Variants in ZFYVE26 observed in about 807,000 individuals in gnomAD.
ZFYVE26 encodes zinc finger FYVE-type containing 26.
In ZFYVE26, 181 loss-of-function variants were observed where a neutral mutation model predicts 276.5. The observed-to-expected ratio is 0.65, with a 90% CI of 0.58 to 0.74. ZFYVE26 has a LOEUF of 0.74. Ranked by LOEUF, ZFYVE26 falls within the 30% of genes least tolerant of loss-of-function variation. ZFYVE26 has a pLI of 0.00. For missense variants in ZFYVE26, 2,821 were observed against 3,097.9 expected, an observed-to-expected ratio of 0.91 and a Z score of 2.12; for synonymous variants, 1,129 against 1,203.1, an observed-to-expected ratio of 0.94 and a Z score of 1.27.
chr14:67,783,305 T>C lies in ZFYVE26; in HGVS notation c.3847A>G (p.Thr1283Ala), dbSNP rs116139296. 99 of 1,613,190 alleles carry C rather than the reference T, an allele frequency of 6.1e-5. No homozygotes were observed. The African/African-American group carries it at 1.1e-3, about 19-fold the overall frequency. The change falls in exon 21 of 42, where the codon ACA (threonine) becomes GCA (alanine). Residue 1283 changes from threonine (T) to alanine (A), a missense_variant. Physicochemically the swap from Thr to Ala is moderately conservative, Grantham distance 58 (BLOSUM62 0). Transcript: ENST00000347230. Reference protein sequence around the residue: ...PSSPRTTENPTLERKPYSSPR... With the variant: ...PSSPRTTENPALERKPYSSPR... Reference sequence around the variant, plus strand: ...GAGGAGTAGGGCTTTCTTTCCAATGTAGGGTTCTCAGTTGTCCTCGGGGAG... The same window carrying C: ...GAGGAGTAGGGCTTTCTTTCCAATGCAGGGTTCTCAGTTGTCCTCGGGGAG...
intron 29 of ZFYVE26, 84 bp from the exon 30 acceptor site, chr14:67,768,632 G>C: frequency 7.5e-7 from 1 of 1,330,786 alleles, no homozygotes; most frequent in Non-Finnish European, 1.1e-6. Flanking sequence ...TCAACTTACA[G>C]TGTCTCCCTG....
At position 67,748,362 on chromosome 14, in the gene ZFYVE26, A is replaced by G. The variant is rs907273547; in HGVS notation, c.*74T>C. The G allele has an allele frequency of 2.0e-6, 3 of 1,507,874 alleles. No homozygotes were observed. The highest frequency in any genetic ancestry group is 1.4e-5 in the African/African-American group (1 of 73,062). 93.4% of individuals were successfully genotyped at this position (1,507,874 alleles called of 1,614,324 possible). ...GAGAAGTCCCACTCCACTGGAGGAA[A>G]GAGGTGGAGGGCATCGCCATCACTG... On this transcript the variant is annotated 3_prime_UTR_variant, in exon 42 of 42. Coordinates refer to ENST00000347230, the MANE Select transcript of ZFYVE26 (RefSeq NM_015346.4).
chr14:67,789,048 G>C (rs908818555), intron 16 of ZFYVE26, among the ~76,000 whole-genome samples: 19 of 152,202 alleles, frequency 1.2e-4, no homozygotes, highest in Admixed American at 6.5e-5. Flanking sequence ...TCACCAAGGA[G>C]AAAGGCATGG....
At chr14:67,801,180 G>A (rs1015455441) in intron 10 of ZFYVE26, among the ~76,000 whole-genome samples, 2 of 152,032 alleles carry the variant, frequency 1.3e-5, no homozygotes, top group African/African-American at 4.8e-5. Flanking sequence ...GAACCCAGGA[G>A]GCGGAGGTTG....
intron 13 of ZFYVE26, among the ~76,000 whole-genome samples, chr14:67,735,003 A>G (rs1362649233): frequency 6.6e-6 from 1 of 152,238 alleles, no homozygotes; most frequent in Non-Finnish European, 1.5e-5. Flanking sequence ...GCTAGAGAAA[A>G]TATTTTAAAT....
chr14:67,769,575 C>T lies in ZFYVE26; in HGVS notation c.5621+19G>A, dbSNP rs960143852. 12 of 1,611,730 alleles carry T rather than the reference C, an allele frequency of 7.4e-6. No homozygotes were observed. The highest frequency in any genetic ancestry group is 1.3e-5 in the African/African-American group (1 of 74,298). On this transcript the variant is annotated intron_variant, in intron 29 of 41. Transcript: ENST00000347230. Reference sequence around the variant, plus strand: ...TGCAGCGGTCAATAATAGCAACAGCCCTGCTGTAGGACACTCACTCTTTGT... The same window carrying T: ...TGCAGCGGTCAATAATAGCAACAGCTCTGCTGTAGGACACTCACTCTTTGT...
chr14:67,809,782 C>CT (rs58842467), intron 3 of ZFYVE26, among the ~76,000 whole-genome samples: 25,805 of 119,378 alleles, frequency 0.22, 3,636 homozygotes, highest in Non-Finnish European at 0.32. Flanking sequence ...ATTCTTTTCT[C>CT]TTTTTTTTTT....
rs759350439 is a variant in ZFYVE26, at chr14:67,786,204, C to T, written c.3049G>A (p.Ala1017Thr). The T allele has an allele frequency of 2.3e-5, 36 of 1,569,242 alleles. No homozygotes were observed. The highest frequency in any genetic ancestry group is 3.4e-4 in the Middle Eastern group (2 of 5,914). The change falls in exon 17 of 42, where the codon GCT becomes ACT. Residue 1017 changes from alanine (A) to threonine (T), a missense_variant. Physicochemically the swap from Ala to Thr is moderately conservative, Grantham distance 58. Coordinates refer to ENST00000347230, the MANE Select transcript of ZFYVE26 (RefSeq NM_015346.4). ...ACTGGAAAACCTCGAATGCCATCAG[C>T]ATTTAGGAGTACGTGGTCTATCCGT... ...GRRIDHVLLN[A>T]DGIRGFPVVL...
rs765385733 is a variant in ZFYVE26 at position 67,729,232 on chromosome 14, C to T, written n.3267G>A. The T allele has an allele frequency of 1.9e-6, 3 of 1,611,396 alleles. No individual in the cohort carries two copies. Among genetic ancestry groups the T allele is most frequent in the Non-Finnish European group, 2.5e-6 (3 of 1,180,008 alleles). ...CTACGCAGTGCACCCAGGCGTCGTC[C>T]GCTCTGAGCTGGTCCGGCACTCCTC... is the stretch of plus-strand genomic sequence containing the variant. On this transcript the variant is annotated non_coding_transcript_exon_variant, in exon 14 of 15. Transcript: ENST00000394455.
intron 35 of ZFYVE26, among the ~76,000 whole-genome samples, chr14:67,757,994 AAC>A (rs2038832711): frequency 6.6e-6 from 1 of 152,236 alleles, no homozygotes; most frequent in Non-Finnish European, 1.5e-5. Flanking sequence ...GGATTACAGA[AAC>A]GAGCCACCCT....
chr14:67,744,027 A>C (rs536331595), downstream of ZFYVE26, among the ~76,000 whole-genome samples: 3 of 152,238 alleles, frequency 2.0e-5, no homozygotes, highest in Non-Finnish European at 4.4e-5. Flanking sequence ...CAGACATCGA[A>C]TGAATTTGTT....
In ZFYVE26 at chr14:67,762,723, G is replaced by C; in HGVS notation, c.6108C>G (p.Thr2036=). 6.2e-7 allele frequency: 1 copy of C among 1,614,170 alleles called. No individual in the cohort carries two copies. The change falls in exon 33 of 42, where the codon ACC becomes ACG. Residue 2036 remains threonine (T), a synonymous_variant. Coordinates refer to ENST00000347230, the MANE Select transcript of ZFYVE26 (RefSeq NM_015346.4). ...LDQILQPAAV[T]RLRNQLLEAE... Reference sequence around the variant, plus strand: ...CTTCCAAAAGCTGGTTCCTTAGCCTGGTTACTGCAGCTGGCTGCAAGATCT... The same window carrying C: ...CTTCCAAAAGCTGGTTCCTTAGCCTCGTTACTGCAGCTGGCTGCAAGATCT...
At chr14:67,753,847 A>C (rs1406936764) in intron 38 of ZFYVE26, 81 bp from the exon 39 acceptor site, 2 of 1,532,698 alleles carry the variant, frequency 1.3e-6, no homozygotes, top group Non-Finnish European at 1.8e-6. Context: ...GCCTCTATTT[A>C]TTCAATTATT....
intron 13 of ZFYVE26, chr14:67,733,828 C>G: frequency 6.2e-7 from 1 of 1,612,906 alleles, no homozygotes. Flanking sequence ...CTGTGAGCTT[C>G]TAGGAATCCG....
At position 67,783,295 on chromosome 14, in the gene ZFYVE26, CT is replaced by C; in HGVS notation, c.3856del (p.Arg1286GlufsTer30). 1 of 1,613,318 alleles carries C rather than the reference CT, an allele frequency of 6.2e-7. No individual in the cohort carries two copies. On this transcript the variant is annotated frameshift_variant, in exon 21 of 42. Transcript: ENST00000347230. LOFTEE classifies it high-confidence loss of function. ...PRTTENPTLE[R>X]KPYSSPRDSS... is the part of the protein sequence containing the mutation. ...GTCCCTTGGGGAGGAGTAGGGCTTT[CT>C]TTCCAATGTAGGGTTCTCAGTTGTC... is the stretch of plus-strand genomic sequence containing the variant.
intron 13 of ZFYVE26, among the ~76,000 whole-genome samples, chr14:67,736,680 T>C (rs1378797142): frequency 1.3e-5 from 2 of 152,200 alleles, no homozygotes; most frequent in African/African-American, 4.8e-5. Flanking sequence ...CAAGTGATAA[T>C]GGTGAACATA....
At position 67,814,941 on chromosome 14, in the gene ZFYVE26, G is replaced by T. The variant is rs573764065; in HGVS notation, c.194+829C>A. On this transcript the variant is annotated intron_variant, in intron 2 of 41. Transcript: ENST00000347230. ...TCAAAGGAAGGAAAACCCAAGGAAA[G>T]ACTTAAAACGGTACATTTGACTCCT... 2.3e-4 allele frequency among the ~76,000 whole-genome samples: 35 copies of T among 152,300 alleles called. No individual in the cohort carries two copies. The South Asian group carries it at 7.3e-3, about 32-fold the overall frequency.
At chr14:67,743,766 T>G (rs2038448498), downstream of ZFYVE26, among the ~76,000 whole-genome samples, 1 of 151,996 alleles carries the variant, frequency 6.6e-6, no homozygotes, top group Non-Finnish European at 1.5e-5. Context: ...TGGGAGAGTA[T>G]GAGTGTCAAG....
chr14:67,775,981 A>G lies in ZFYVE26; in HGVS notation c.5100T>C (p.Thr1700=), dbSNP rs1227956845. The G allele has an allele frequency of 1.2e-6, 2 of 1,614,188 alleles. No homozygotes were observed. Among genetic ancestry groups the G allele is most frequent in the African/African-American group, 1.3e-5 (1 of 75,040 alleles). The change falls in exon 26 of 42, where the codon ACT becomes ACC. Residue 1700 remains threonine, a synonymous_variant. Transcript: ENST00000347230. ...KVDWATVAVQ[T]LQQLLVGQEI... is the part of the protein sequence containing the mutation. ...CCTGTCCAACCAGCAGCTGCTGGAG[A>G]GTCTGCACAGCCACAGTGGCCCAAT...
Sources: gnomAD v4.1 joint callset for allele counts (sites outside exome capture counted in the v4.1 genomes callset) on GRCh38, gnomAD v4.1.1 for gene constraint, MANE v1.5 for transcripts, NCBI Gene and HGNC (gene_info 2026-07-23, HGNC 2026-07-21) for gene names.